The following FRMD6 variants were observed in gnomAD, a reference collection of about 807,000 sequenced individuals.
FRMD6 encodes the protein FERM domain containing 6.
In FRMD6, 37 loss-of-function variants were observed where a neutral mutation model predicts 73.2. That is an observed-to-expected ratio of 0.51 (90% CI 0.39 to 0.66). The LOEUF (loss-of-function observed/expected upper bound fraction) is 0.66. Ranked by LOEUF, FRMD6 falls within the 30% of genes least tolerant of loss-of-function variation. The pLI is 0.00. For synonymous variants in FRMD6, 273 were observed against 282.2 expected, an observed-to-expected ratio of 0.97 and a Z score of 0.33; for missense variants, 714 against 780.5, an observed-to-expected ratio of 0.91 and a Z score of 1.02.
chr14:51,550,238 A>AT (rs980839953), intron 1 of FRMD6, among the ~76,000 whole-genome samples: 1 of 151,070 alleles, frequency 6.6e-6, no homozygotes, highest in Non-Finnish European at 1.5e-5. Flanking sequence ...ATGTCTTTTT[A>AT]TTTTTTTAAT....
the FRMD6 span, among the ~76,000 whole-genome samples, chr14:51,405,965 G>T: frequency 6.6e-6 from 1 of 151,948 alleles, no homozygotes; most frequent in Non-Finnish European, 1.5e-5. Context: ...TTACAGTTTT[G>T]GGTTTTACAT....
At chr14:51,540,570 A>G (rs1007708216) in intron 1 of FRMD6, among the ~76,000 whole-genome samples, 1 of 152,108 alleles carries the variant, frequency 6.6e-6, no homozygotes, top group Non-Finnish European at 1.5e-5. Flanking sequence ...CTTAAATAAG[A>G]TGATTCATGG....
chr14:51,479,843 G>T, the FRMD6 span, among the ~76,000 whole-genome samples: 1 of 152,172 alleles, frequency 6.6e-6, no homozygotes, highest in African/African-American at 2.4e-5. Flanking sequence ...AATAGCAGTT[G>T]CAGAGGCATG....
chr14:51,708,270 A>G (rs765889559), intron 7 of FRMD6, 37 bp downstream of exon 7: 9 of 1,588,796 alleles, frequency 5.7e-6, no homozygotes, highest in Non-Finnish European at 5.2e-6. Flanking sequence ...CTTCTGAGAA[A>G]AAAACATCTT....
chr14:51,503,546 C>T (rs534052782), intron 1 of FRMD6, among the ~76,000 whole-genome samples: 11 of 152,276 alleles, frequency 7.2e-5, no homozygotes, highest in Non-Finnish European at 1.3e-4. Flanking sequence ...GTTGAACCAA[C>T]CTTGCATCCC....
chr14:51,412,025 T>G, the FRMD6 span, among the ~76,000 whole-genome samples: 1 of 152,344 alleles, frequency 6.6e-6, no homozygotes, highest in South Asian at 2.1e-4. Flanking sequence ...AAAAGTAGTC[T>G]GTTAAAGTCT....
At chr14:51,555,368 G>A (rs1177339505) in intron 1 of FRMD6, among the ~76,000 whole-genome samples, 1 of 152,134 alleles carries the variant, frequency 6.6e-6, no homozygotes, top group Non-Finnish European at 1.5e-5. Flanking sequence ...TGCCTACTGT[G>A]TCCCAGGAAA....
intron 2 of FRMD6, chr14:51,599,792 A>G (rs920598796): frequency 6.6e-6 from 1 of 151,214 alleles, no homozygotes; most frequent in African/African-American, 2.4e-5. Flanking sequence ...ACCACCCCCC[A>G]GGTAAAATTC....
chr14:51,727,775 G>T lies in FRMD6; in HGVS notation c.1615G>T (p.Asp539Tyr), dbSNP rs773162403. Reference protein sequence around the residue: ...TICRKPKTSTDRHSLSLDDIR... With the variant: ...TICRKPKTSTYRHSLSLDDIR... ...ATGTCGGAAACCAAAGACCTCCACT[G>T]ATCGACACAGCTTGAGCCTCGATGA... The change falls in exon 14 of 14, where the codon GAT becomes TAT. Residue 539 changes from aspartate (D) to tyrosine (Y), a missense_variant. Coordinates refer to ENST00000344768, the MANE Select transcript of FRMD6 (RefSeq NM_001267046.2). 4 of 1,609,664 alleles carry T rather than the reference G, an allele frequency of 2.5e-6. No individual in the cohort carries two copies. The highest frequency in any genetic ancestry group is 3.3e-5 in the Admixed American group (2 of 59,932).
intron 2 of FRMD6, among the ~76,000 whole-genome samples, chr14:51,607,233 T>C (rs983050290): frequency 2.0e-5 from 3 of 152,092 alleles, no homozygotes; most frequent in African/African-American, 7.2e-5. Flanking sequence ...AGCGGGAGAA[T>C]GGAAGAAAGG....
the FRMD6 span, chr14:51,436,384 T>C: frequency 2.2e-6 from 1 of 450,484 alleles, no homozygotes; most frequent in Admixed American, 2.8e-5. Context: ...GAAGAGGCAG[T>C]GCATTACTTG....
intron 1 of FRMD6, among the ~76,000 whole-genome samples, chr14:51,564,933 A>G (rs1420829866): frequency 6.6e-6 from 1 of 152,246 alleles, no homozygotes; most frequent in Non-Finnish European, 1.5e-5. Flanking sequence ...TTTTCACGAC[A>G]GTAATAATGG....
At chr14:51,555,174 A>C (rs1887057798) in intron 1 of FRMD6, among the ~76,000 whole-genome samples, 2 of 152,186 alleles carry the variant, frequency 1.3e-5, no homozygotes, top group African/African-American at 4.8e-5. Flanking sequence ...ATCTGGCAGA[A>C]GTCTACTTCC....
At chr14:51,399,161 C>T in the FRMD6 span, among the ~76,000 whole-genome samples, 7 of 152,320 alleles carry the variant, frequency 4.6e-5, no homozygotes, top group African/African-American at 1.2e-4. Context: ...CTTACCCTTT[C>T]GTCATTCCCT....
chr14:51,443,909 G>C, the FRMD6 span, among the ~76,000 whole-genome samples: 2 of 150,978 alleles, frequency 1.3e-5, no homozygotes, highest in Admixed American at 1.3e-4. Flanking sequence ...GTAAAGGTAG[G>C]GAGAATGAAT....
At chr14:51,702,675 C>T in intron 5 of FRMD6, 87 bp downstream of exon 5, 2 of 1,074,830 alleles carry the variant, frequency 1.9e-6, no homozygotes, top group Admixed American at 4.1e-5. Context: ...TGTGTTTATT[C>T]TTTGTCTTCA....
At chr14:51,548,209 A>G (rs1240482778) in intron 1 of FRMD6, among the ~76,000 whole-genome samples, 1 of 152,230 alleles carries the variant, frequency 6.6e-6, no homozygotes, top group Non-Finnish European at 1.5e-5. Context: ...ATAATTTTCT[A>G]AAATATAGAA....
intron 1 of FRMD6, among the ~76,000 whole-genome samples, chr14:51,569,944 T>C (rs543722873): frequency 2.6e-5 from 4 of 151,934 alleles, no homozygotes; most frequent in Middle Eastern, 6.8e-3. Context: ...GCCTCCCGAG[T>C]AGCTGGGACT....
chr14:51,614,474 T>C (rs1300159021), intron 2 of FRMD6, among the ~76,000 whole-genome samples: 4 of 152,204 alleles, frequency 2.6e-5, no homozygotes, highest in African/African-American at 4.8e-5. Flanking sequence ...AATTATTGTT[T>C]CTAGGCTAAA....
Sources: allele counts gnomAD v4.1 joint callset (sites outside exome capture counted in the v4.1 genomes callset), GRCh38; gene constraint gnomAD v4.1.1; transcripts MANE v1.5; gene names NCBI Gene and HGNC (gene_info 2026-07-23, HGNC 2026-07-21).